PCDHGA3: variants seen among roughly 807,000 people sequenced by gnomAD.
PCDHGA3 encodes protocadherin gamma-A3.
Under a neutral mutation model 58.5 loss-of-function variants are expected in PCDHGA3, and 40 were observed. The ratio of observed to expected loss-of-function variants is 0.68; its 90% CI spans 0.53 to 0.89. PCDHGA3 has a LOEUF of 0.89. PCDHGA3 is among the 40% of genes least tolerant of loss of function. The probability of loss-of-function intolerance (pLI) is 0.00; values close to 1 mark genes in which losing one functional copy is unlikely to be tolerated. For missense variants in PCDHGA3, 1,223 were observed against 1,195.9 expected (o/e 1.02, Z -0.33); for synonymous variants, 530 against 525.7 (o/e 1.01, Z -0.11).
intron 1 of PCDHGA3, among the ~76,000 whole-genome samples, chr5:141,470,729 G>T (rs1253040487): frequency 6.6e-6 from 1 of 152,102 alleles, no homozygotes; most frequent in Non-Finnish European, 1.5e-5. Context: ...TCAGGGTCTT[G>T]CTCTGTCGCC....
Position 141,476,477 on chromosome 5 carries a change from G to C in PCDHGA3, c.2425-18330G>C. ...GGAGAACCCGCTGGAGCTGTTCAGCGTGGAAGTGGTGATCCAGGACATCAA... is the reference window on the plus strand; with the variant it reads ...GGAGAACCCGCTGGAGCTGTTCAGCCTGGAAGTGGTGATCCAGGACATCAA... On this transcript the variant is annotated intron_variant, in intron 1 of 3. Coordinates refer to ENST00000253812, the MANE Select transcript of PCDHGA3 (RefSeq NM_018916.4). The surrounding 1 kb of genome is among the most constrained non-coding windows in gnomAD (Gnocchi z 7.6). The C allele has an allele frequency of 5.0e-6, 8 of 1,614,078 alleles. No homozygotes were observed. Among genetic ancestry groups the C allele is most frequent in the Non-Finnish European group, 6.8e-6 (8 of 1,180,018 alleles).
intron 1 of PCDHGA3, among the ~76,000 whole-genome samples, chr5:141,429,545 G>T (rs1200824675): frequency 6.6e-6 from 1 of 151,844 alleles, no homozygotes; most frequent in East Asian, 1.9e-4. Context: ...TAAGAACATG[G>T]TAATGATTTG....
chr5:141,491,817 G>T lies in PCDHGA3; in HGVS notation c.2425-2990G>T. On this transcript the variant is annotated intron_variant, in intron 1 of 3. Transcript: ENST00000253812. The surrounding 1 kb of genome is among the most constrained non-coding windows in gnomAD (Gnocchi z 6.9). ...TCTCCGGCCGGCTTGGTCGCTGGCT[G>T]CGCTCCACCCGATTCTCGGGATCAT... 1.3e-6 allele frequency: 2 copies of T among 1,484,188 alleles called. No homozygotes were observed. The highest frequency in any genetic ancestry group is 1.8e-6 in the Non-Finnish European group (2 of 1,117,664). 91.9% of individuals were successfully genotyped at this position (1,484,188 alleles called of 1,614,324 possible).
At position 141,393,612 on chromosome 5, in the gene PCDHGA3, A is replaced by G. The variant is rs1171689277; in HGVS notation, c.2424+47155A>G. Reference sequence around the variant, plus strand: ...CACGCGGCTGCTTACTGTAACAGCCAGCGACCCGGATGAGGGAATCAACGG... The same window carrying G: ...CACGCGGCTGCTTACTGTAACAGCCGGCGACCCGGATGAGGGAATCAACGG... On this transcript the variant is annotated intron_variant, in intron 1 of 3. Coordinates refer to ENST00000253812, the MANE Select transcript of PCDHGA3 (RefSeq NM_018916.4). 6.2e-7 allele frequency: 1 copy of G among 1,613,840 alleles called. No homozygotes were observed. Among genetic ancestry groups the G allele is most frequent in the Non-Finnish European group, 8.5e-7 (1 of 1,179,908 alleles).
At chr5:141,390,318 C>T in intron 1 of PCDHGA3, 1 of 1,609,020 alleles carries the variant, frequency 6.2e-7, no homozygotes, top group Non-Finnish European at 8.5e-7. Context: ...TGCTCATTGC[C>T]TACCCATTTC....
intron 1 of PCDHGA3, among the ~76,000 whole-genome samples, chr5:141,472,405 G>A (rs1207849470): frequency 6.6e-6 from 1 of 152,086 alleles, no homozygotes; most frequent in Non-Finnish European, 1.5e-5. Flanking sequence ...GCCAGGCGTG[G>A]TGGCACGCAC....
chr5:141,356,294 T>C (rs1309324816), intron 1 of PCDHGA3: 1 of 1,554,208 alleles, frequency 6.4e-7, no homozygotes, highest in Non-Finnish European at 8.7e-7. Flanking sequence ...CCGGGTACAG[T>C]AATTGCACTT....
intron 1 of PCDHGA3, among the ~76,000 whole-genome samples, chr5:141,349,734 A>G (rs1758343785): frequency 6.6e-6 from 1 of 152,188 alleles, no homozygotes; most frequent in Non-Finnish European, 1.5e-5. Context: ...TTATCAATTC[A>G]CTTATTTGGA....
intron 1 of PCDHGA3, 181 bp downstream of exon 1, chr5:141,346,638 G>T (rs1354004372): frequency 5.5e-6 from 5 of 911,444 alleles, no homozygotes; most frequent in Non-Finnish European, 8.2e-6. Context: ...TCTGGTTATG[G>T]TTGAGTGGGC....
intron 1 of PCDHGA3, among the ~76,000 whole-genome samples, chr5:141,381,974 C>A (rs1049134937): frequency 6.6e-6 from 1 of 151,492 alleles, no homozygotes; most frequent in Non-Finnish European, 1.5e-5. Flanking sequence ...GGATTACAGG[C>A]GCGCGCCACC....
At chr5:141,375,529 C>G (rs370346410) in intron 1 of PCDHGA3, 1 of 1,614,026 alleles carries the variant, frequency 6.2e-7, no homozygotes, top group African/African-American at 1.3e-5. Context: ...CTGACGTGGA[C>G]CAGAACGCCC....
chr5:141,430,715 A>G (rs1210053402), intron 1 of PCDHGA3: 3 of 1,483,264 alleles, frequency 2.0e-6, no homozygotes, highest in East Asian at 4.7e-5. Context: ...TCCTGACTTC[A>G]GTGGTTAAGG....
intron 1 of PCDHGA3, chr5:141,382,902 G>A: frequency 6.5e-7 from 1 of 1,543,512 alleles, no homozygotes; most frequent in South Asian, 1.2e-5. Flanking sequence ...GGACGACTAT[G>A]GCGGCTCAGC....
Position 141,432,110 on chromosome 5 carries a change from G to T in PCDHGA3, c.2425-62697G>T, listed in dbSNP as rs768038692. The T allele has an allele frequency of 6.2e-7, 1 of 1,614,108 alleles. No homozygotes were observed. Among genetic ancestry groups the T allele is most frequent in the Non-Finnish European group, 8.5e-7 (1 of 1,180,036 alleles). ...GGCAGACACCAACGACAACCCGCCG[G>T]TCTTCCCTCAGGCCTCCTATTCCGC... On this transcript the variant is annotated intron_variant, in intron 1 of 3. Coordinates refer to ENST00000253812, the MANE Select transcript of PCDHGA3 (RefSeq NM_018916.4). The surrounding 1 kb of genome is among the most constrained non-coding windows in gnomAD (Gnocchi z 6.0).
chr5:141,435,290 A>G (rs2097756551), intron 1 of PCDHGA3, among the ~76,000 whole-genome samples: 1 of 152,158 alleles, frequency 6.6e-6, no homozygotes, highest in African/African-American at 2.4e-5. Context: ...ATCCCAAGTC[A>G]TTTCATGGTT....
In PCDHGA3 at chr5:141,387,802, G is replaced by A. The variant is rs916959942; in HGVS notation, c.2424+41345G>A. 2.0e-6 allele frequency: 3 copies of A among 1,511,984 alleles called. No homozygotes were observed. The Admixed American group carries it at 7.0e-5, about 35-fold the overall frequency. 93.7% of individuals were successfully genotyped at this position (1,511,984 alleles called of 1,614,324 possible). On this transcript the variant is annotated intron_variant, in intron 1 of 3. Coordinates refer to ENST00000253812, the MANE Select transcript of PCDHGA3 (RefSeq NM_018916.4). ...CTGGAACTGCAACTAAAGTCCGTTC[G>A]GAGATCCAAAAATCTGCAATACAGA...
Position 141,494,808 on chromosome 5 carries a change from A to G in PCDHGA3, c.2426A>G (p.Gln809Arg). The G allele has an allele frequency of 1.9e-6, 3 of 1,614,014 alleles. No individual in the cohort carries two copies. Among genetic ancestry groups the G allele is most frequent in the Non-Finnish European group, 2.5e-6 (3 of 1,179,982 alleles). The change falls in exon 2 of 4, where the codon CAA becomes CGA. Residue 809 changes from glutamine to arginine, a missense_variant and splice_region_variant. Gln to Arg is a conservative substitution (Grantham distance 43, BLOSUM62 1). Around this residue, in one of 3 missense-constraint regions of PCDHGA3, gnomAD observed 325 missense variants for 327.5 expected, o/e 0.99. Coordinates refer to ENST00000253812, the MANE Select transcript of PCDHGA3 (RefSeq NM_018916.4). ...CCTTTCCCTCTGTTTTCTCCACAGC[A>G]AGCCCCGCCCAACACGGACTGGCGT... ...EMKGDSNLLQ[Q>R]APPNTDWRFS...
intron 1 of PCDHGA3, chr5:141,355,755 G>T (rs761483033): frequency 6.2e-7 from 1 of 1,613,924 alleles, no homozygotes; most frequent in African/African-American, 1.3e-5. Flanking sequence ...TGCAAAGTGG[G>T]GCCGATGGGA....
At position 141,487,666 on chromosome 5, in the gene PCDHGA3, C is replaced by T. The variant is rs2099657736; in HGVS notation, c.2425-7141C>T. 1 of 1,612,838 alleles carries T rather than the reference C, an allele frequency of 6.2e-7. No homozygotes were observed. Among genetic ancestry groups the T allele is most frequent in the South Asian group, 1.1e-5 (1 of 90,712 alleles). Reference sequence around the variant, plus strand: ...TGCTTGAGGGTTATTCTGATCCAGGCATATGGCTAGGCCATGTCCTAGAGA... The same window carrying T: ...TGCTTGAGGGTTATTCTGATCCAGGTATATGGCTAGGCCATGTCCTAGAGA... On this transcript the variant is annotated intron_variant, in intron 1 of 3. Coordinates refer to ENST00000253812, the MANE Select transcript of PCDHGA3 (RefSeq NM_018916.4). This position sits in a 1 kb window ranked among gnomAD's most constrained non-coding sequence, Gnocchi z 5.0.
Sources: gnomAD v4.1 joint callset for allele counts (sites outside exome capture counted in the v4.1 genomes callset) on GRCh38, gnomAD v4.1.1 for gene constraint, gnomAD v4.1.1 regional missense constraint, Gnocchi (gnomAD v3.1) non-coding constraint, MANE v1.5 for transcripts, NCBI Gene and HGNC (gene_info 2026-07-23, HGNC 2026-07-21) for gene names.